The following CREM variants were observed in gnomAD, a reference collection of about 807,000 sequenced individuals.
The protein encoded by CREM is cAMP-responsive element modulator.
Under a neutral mutation model 37.3 loss-of-function variants are expected in CREM, and 13 were observed. The observed-to-expected ratio is 0.35, with a 90% CI of 0.23 to 0.55. CREM has a LOEUF of 0.55. Ranked by LOEUF, CREM falls within the 20% of genes least tolerant of loss-of-function variation. The pLI is 0.88. For missense variants in CREM, 296 were observed against 362.3 expected, an observed-to-expected ratio of 0.82 and a Z score of 1.49; for synonymous variants, 124 against 120.2, an observed-to-expected ratio of 1.03 and a Z score of -0.21.
intron 2 of CREM, among the ~76,000 whole-genome samples, chr10:35,145,990 C>T (rs904628483): frequency 2.0e-5 from 3 of 152,104 alleles, no homozygotes; most frequent in African/African-American, 7.2e-5. Flanking sequence ...AATTCTGATG[C>T]GAGTTGTCCA....
rs1335279064 is a variant in CREM, at chr10:35,188,479, C to T, written c.598+91C>T. 43 of 1,188,442 alleles carry T rather than the reference C, an allele frequency of 3.6e-5. No individual in the cohort carries two copies. The South Asian group carries it at 3.9e-4, about 11-fold the overall frequency. 73.6% of individuals were successfully genotyped at this position (1,188,442 alleles called of 1,614,324 possible). The stretch of plus-strand genomic sequence containing the variant: ...GATTTTATAGTTTTTTGAAATAGAT[C>T]GAAGGTAGATGGTGGGGGGTTGGGA... On this transcript the variant is annotated intron_variant, in intron 6 of 7. Coordinates refer to ENST00000685392, the MANE Select transcript of CREM (RefSeq NM_183011.2).
chr10:35,145,444 A>G (rs546276912), intron 2 of CREM, among the ~76,000 whole-genome samples: 2 of 152,188 alleles, frequency 1.3e-5, no homozygotes, highest in African/African-American at 4.8e-5. Context: ...TCATTCTCTT[A>G]TGTTTTCCAG....
At chr10:35,187,937 G>T (rs1214641394) in intron 5 of CREM, among the ~76,000 whole-genome samples, 7 of 152,208 alleles carry the variant, frequency 4.6e-5, no homozygotes, top group African/African-American at 1.7e-4. Flanking sequence ...TAGTCAGCTG[G>T]ATGCTAAGGA....
chr10:35,141,159 G>T (rs1221572269), intron 2 of CREM, among the ~76,000 whole-genome samples: 1 of 152,116 alleles, frequency 6.6e-6, no homozygotes, highest in Non-Finnish European at 1.5e-5. Context: ...TGTTGCCCAG[G>T]CTGGAAGAAC....
chr10:35,198,462 G>T (rs527540425), intron 6 of CREM, among the ~76,000 whole-genome samples: 2 of 151,228 alleles, frequency 1.3e-5, no homozygotes, highest in Non-Finnish European at 2.9e-5. Context: ...GGCAGAGATT[G>T]CAATGAGCCA....
chr10:35,162,621 C>A (rs998081945), intron 3 of CREM, among the ~76,000 whole-genome samples: 2 of 152,030 alleles, frequency 1.3e-5, no homozygotes, highest in Non-Finnish European at 2.9e-5. Flanking sequence ...GTCTTTCTCT[C>A]CTGCTTGTCT....
intron 6 of CREM, among the ~76,000 whole-genome samples, chr10:35,193,600 A>G (rs1029756516): frequency 3.9e-5 from 6 of 152,156 alleles, no homozygotes; most frequent in Non-Finnish European, 8.8e-5. Context: ...CTCAGCCAAG[A>G]TATCTTCAGC....
chr10:35,166,266 C>A (rs1003334802), intron 3 of CREM, among the ~76,000 whole-genome samples: 1 of 151,576 alleles, frequency 6.6e-6, no homozygotes. Context: ...AAAAACAAAA[C>A]AAAAAAAACA....
intron 1 of CREM, among the ~76,000 whole-genome samples, chr10:35,133,904 A>T (rs1312939638): frequency 2.0e-5 from 3 of 152,260 alleles, no homozygotes; most frequent in African/African-American, 4.8e-5. Context: ...AGGAGTGGAG[A>T]ACACTGTTAA....
At chr10:35,191,105 T>TATTTATTA (rs1564936798) in intron 6 of CREM, among the ~76,000 whole-genome samples, 1 of 151,460 alleles carries the variant, frequency 6.6e-6, no homozygotes, top group East Asian at 1.9e-4. Context: ...TTTATTTATT[T>TATTTATTA]ATTATACTTT....
chr10:35,187,144 AT>A lies in CREM; in HGVS notation c.410-1055del, dbSNP rs1349453654. Among the ~76,000 whole-genome samples the A allele has an allele frequency of 1.2e-3, 87 of 73,124 alleles. No homozygotes were observed. In the East Asian group the frequency reaches 0.013, roughly 11 times the overall value. The allele number at this position is 73,124 out of a possible 152,430, so 48.0% of individuals were successfully genotyped here. A position where few individuals can be genotyped will look rare whatever the true frequency, so the allele number is the denominator to read the frequency against. ...TATAAATATATTAATATATTAATAT[AT>A]AATATATATAATATATATTATATAT... On this transcript the variant is annotated intron_variant, in intron 5 of 7. Transcript: ENST00000685392.
chr10:35,127,977 C>T lies in CREM; in HGVS notation c.-55+784C>T, dbSNP rs553339589. On this transcript the variant is annotated intron_variant, in intron 1 of 7. Coordinates refer to ENST00000685392, the MANE Select transcript of CREM (RefSeq NM_183011.2). ...TCTCTTGCCTCAGCCTCCCGAGTAG[C>T]TGGGATTACAGGCATGCGCCACCAC... Among the ~76,000 whole-genome samples, 4 of 152,092 alleles carry T rather than the reference C, an allele frequency of 2.6e-5. No individual in the cohort carries two copies. In the South Asian group the frequency reaches 8.3e-4, roughly 32 times the overall value.
At chr10:35,160,261 C>A (rs566069731) in intron 3 of CREM, among the ~76,000 whole-genome samples, 1 of 152,054 alleles carries the variant, frequency 6.6e-6, no homozygotes, top group Non-Finnish European at 1.5e-5. Context: ...AGTAAAAATA[C>A]GGTATCAAAG....
intron 3 of CREM, chr10:35,175,588 T>C: frequency 7.4e-7 from 1 of 1,360,018 alleles, no homozygotes; most frequent in Non-Finnish European, 1.0e-6. Flanking sequence ...TAGAACTTTG[T>C]GCTTGGAACA....
chr10:35,153,991 A>T (rs1326910658), intron 3 of CREM: 1 of 397,494 alleles, frequency 2.5e-6, no homozygotes, highest in East Asian at 3.6e-5. Flanking sequence ...GATGTTTGCC[A>T]AAAGTGACTG....
chr10:35,206,542 A>T (rs113515787), intron 6 of CREM, among the ~76,000 whole-genome samples: 28 of 152,318 alleles, frequency 1.8e-4, no homozygotes, highest in African/African-American at 6.7e-4. Flanking sequence ...ACTACACATC[A>T]GGGCTTTTTC....
chr10:35,148,527 A>T (rs2092339114), intron 3 of CREM, 36 bp downstream of exon 3: 1 of 1,588,898 alleles, frequency 6.3e-7, no homozygotes, highest in Non-Finnish European at 8.5e-7. Context: ...AAGTCAAAAT[A>T]TATGGAAATG....
chr10:35,200,403 A>T (rs1053548386), intron 6 of CREM, among the ~76,000 whole-genome samples: 11 of 152,244 alleles, frequency 7.2e-5, no homozygotes, highest in Admixed American at 7.2e-4. Context: ...ATGTGAAAGC[A>T]TCACATTATA....
At chr10:35,205,248 T>G (rs2095492753) in intron 6 of CREM, among the ~76,000 whole-genome samples, 1 of 152,260 alleles carries the variant, frequency 6.6e-6, no homozygotes. Flanking sequence ...TTACTTTTAG[T>G]ATTTGATCTG....
Sources: allele counts gnomAD v4.1 joint callset (sites outside exome capture counted in the v4.1 genomes callset), GRCh38; gene constraint gnomAD v4.1.1; transcripts MANE v1.5; gene names NCBI Gene and HGNC (gene_info 2026-07-23, HGNC 2026-07-21).